SLC17A6: variants seen among roughly 807,000 people sequenced by gnomAD.
SLC17A6 encodes vesicular glutamate transporter 2.
Under a neutral mutation model 67.1 loss-of-function variants are expected in SLC17A6, and 35 were observed. The ratio of observed to expected loss-of-function variants is 0.52; its 90% CI spans 0.40 to 0.69. The LOEUF is 0.69. Ranked by LOEUF, SLC17A6 falls within the 30% of genes least tolerant of loss-of-function variation. The pLI is 0.00. For missense variants in SLC17A6, 588 were observed against 723.9 expected, an observed-to-expected ratio of 0.81 and a Z score of 2.15; for synonymous variants, 285 against 252.3, an observed-to-expected ratio of 1.13 and a Z score of -1.23.
intron 3 of SLC17A6, among the ~76,000 whole-genome samples, chr11:22,347,954 A>G (rs1182844572): frequency 6.6e-6 from 1 of 152,144 alleles, no homozygotes; most frequent in Non-Finnish European, 1.5e-5. Flanking sequence ...TAAAGAAAAA[A>G]TACTTCTTTA....
chr11:22,348,940 T>A (rs7129149), intron 3 of SLC17A6, among the ~76,000 whole-genome samples: 84,690 of 151,952 alleles, frequency 0.56, 24,022 homozygotes, highest in African/African-American at 0.64. Context: ...CTGTTCTGTC[T>A]TTTTTCTTCA....
At position 22,341,636 on chromosome 11, in the gene SLC17A6, C is replaced by T. The variant is rs780305524; in HGVS notation, c.195C>T (p.Phe65=). Residue 65 remains phenylalanine (F), a synonymous_variant, in exon 2 of 12, where the codon TTC becomes TTT. Coordinates refer to ENST00000263160, the MANE Select transcript of SLC17A6 (RefSeq NM_020346.3). ...RKAPLCDCTC[F]GLPRRYIIAI... ...CGCCGCTGTGCGACTGCACGTGCTT[C>T]GGCCTGCCCCGCCGCTACATTATCG... The T allele has an allele frequency of 8.9e-5, 143 of 1,613,642 alleles. No individual in the cohort carries two copies. The highest frequency in any genetic ancestry group is 5.2e-4 in the South Asian group (47 of 91,082).
intron 7 of SLC17A6, 64 bp downstream of exon 7, chr11:22,365,753 A>G: frequency 6.6e-7 from 1 of 1,513,784 alleles, no homozygotes; most frequent in Non-Finnish European, 8.9e-7. Flanking sequence ...TGACCAACCA[A>G]ACTATCTTAC....
In SLC17A6 at chr11:22,377,556, A is replaced by G; in HGVS notation, c.1565A>G (p.Asp522Gly). The change falls in exon 12 of 12, where the codon GAT (aspartate) becomes GGT (glycine). Residue 522 changes from aspartate to glycine, a missense_variant. Coordinates refer to ENST00000263160, the MANE Select transcript of SLC17A6 (RefSeq NM_020346.3). ...SEEKCGFIHE[D>G]ELDEETGDIT... ...GAAAAATGTGGATTTATTCATGAAG[A>G]TGAACTCGATGAAGAAACAGGGGAC... is the stretch of plus-strand genomic sequence containing the variant. 2 of 1,614,148 alleles carry G rather than the reference A, an allele frequency of 1.2e-6. No homozygotes were observed. Among genetic ancestry groups the G allele is most frequent in the Non-Finnish European group, 1.7e-6 (2 of 1,180,004 alleles).
chr11:22,341,235 G>A (rs1397791189), intron 1 of SLC17A6, among the ~76,000 whole-genome samples: 1 of 152,180 alleles, frequency 6.6e-6, no homozygotes, highest in Non-Finnish European at 1.5e-5. Flanking sequence ...AGCGGCCTGT[G>A]TATCTCAATC....
At chr11:22,343,644 G>T (rs1363489183) in intron 3 of SLC17A6, among the ~76,000 whole-genome samples, 1 of 152,132 alleles carries the variant, frequency 6.6e-6, no homozygotes, top group Non-Finnish European at 1.5e-5. Flanking sequence ...CGTGCTGTAT[G>T]GCCTGACAGG....
chr11:22,343,764 A>T (rs1489243694), intron 3 of SLC17A6, among the ~76,000 whole-genome samples: 1 of 152,078 alleles, frequency 6.6e-6, no homozygotes, highest in Admixed American at 6.6e-5. Flanking sequence ...GCAGGCTCCC[A>T]GGCTCCCCGA....
intron 3 of SLC17A6, among the ~76,000 whole-genome samples, chr11:22,354,425 ACTT>A (rs1855976187): frequency 6.6e-6 from 1 of 152,182 alleles, no homozygotes; most frequent in South Asian, 2.1e-4. Context: ...CAGTTCCACT[ACTT>A]CTTTCATTTC....
chr11:22,361,785 C>T (rs547357291), intron 5 of SLC17A6, among the ~76,000 whole-genome samples: 1 of 152,142 alleles, frequency 6.6e-6, no homozygotes, highest in Non-Finnish European at 1.5e-5. Context: ...TTTGTGCCTT[C>T]AGAATGCACG....
In SLC17A6 at chr11:22,362,783, C is replaced by T; in HGVS notation, c.706C>T (p.Leu236Phe). 1 of 1,613,842 alleles carries T rather than the reference C, an allele frequency of 6.2e-7. No homozygotes were observed. Among genetic ancestry groups the T allele is most frequent in the Non-Finnish European group, 8.5e-7 (1 of 1,179,758 alleles). ...GATTGCAATGCCTTTAGCTGGCATT[C>T]TTGTGCAGTACACTGGCTGGTCTTC... is the stretch of plus-strand genomic sequence containing the variant. ...AVIAMPLAGI[L>F]VQYTGWSSVF... The change falls in exon 6 of 12, where the codon CTT (leucine) becomes TTT (phenylalanine). Residue 236 changes from leucine to phenylalanine, a missense_variant. Around this residue, in one of 4 missense-constraint regions of SLC17A6, gnomAD observed 414 missense variants for 563.4 expected, o/e 0.73. Coordinates refer to ENST00000263160, the MANE Select transcript of SLC17A6 (RefSeq NM_020346.3).
chr11:22,348,581 A>T (rs182075062), intron 3 of SLC17A6, among the ~76,000 whole-genome samples: 204 of 152,332 alleles, frequency 1.3e-3, no homozygotes, highest in African/African-American at 4.5e-3. Flanking sequence ...TTGGGCTCTT[A>T]GAACTAAAAT....
chr11:22,352,607 G>T (rs185785646), intron 3 of SLC17A6, among the ~76,000 whole-genome samples: 6 of 152,324 alleles, frequency 3.9e-5, no homozygotes, highest in Admixed American at 3.9e-4. Flanking sequence ...GGAGTTTAAA[G>T]AAGTGGAGAC....
chr11:22,362,490 T>C (rs1358317585), intron 5 of SLC17A6, among the ~76,000 whole-genome samples: 1 of 152,142 alleles, frequency 6.6e-6, no homozygotes, highest in Admixed American at 6.5e-5. Context: ...TCAGCATGTC[T>C]CCATTATTAT....
At chr11:22,360,304 CG>C (rs1564983137) in intron 4 of SLC17A6, among the ~76,000 whole-genome samples, 4 of 151,802 alleles carry the variant, frequency 2.6e-5, no homozygotes, top group African/African-American at 9.7e-5. Flanking sequence ...GGGAGGGGAA[CG>C]ACACACACTG....
At chr11:22,361,394 A>G (rs1856051368) in intron 5 of SLC17A6, 1 of 152,622 alleles carries the variant, frequency 6.6e-6, no homozygotes, top group Admixed American at 6.5e-5. Flanking sequence ...TTACAAATAA[A>G]TATTAAATTT....
chr11:22,374,656 T>C, intron 8 of SLC17A6, 99 bp from the exon 9 acceptor site: 2 of 971,604 alleles, frequency 2.1e-6, no homozygotes, highest in Non-Finnish European at 1.5e-6. Flanking sequence ...CCTTCCTTTG[T>C]CCATAAAGAT....
intron 8 of SLC17A6, among the ~76,000 whole-genome samples, chr11:22,373,943 C>G (rs1011723619): frequency 6.6e-6 from 1 of 152,130 alleles, no homozygotes; most frequent in Non-Finnish European, 1.5e-5. Context: ...ATGCCATCTG[C>G]CAACAATTGT....
intron 1 of SLC17A6, among the ~76,000 whole-genome samples, chr11:22,341,106 A>G (rs1855810113): frequency 1.3e-5 from 2 of 152,312 alleles, no homozygotes; most frequent in South Asian, 2.1e-4. Flanking sequence ...TAGTCAGGGT[A>G]AAGCCCTGCT....
intron 4 of SLC17A6, 21 bp from the exon 5 acceptor site, chr11:22,360,876 G>A (rs748330629): frequency 2.3e-4 from 373 of 1,604,802 alleles, no homozygotes; most frequent in Non-Finnish European, 3.1e-4. Flanking sequence ...TGACAGTGAT[G>A]AGTATCTTCC....
Sources: allele counts gnomAD v4.1 joint callset (sites outside exome capture counted in the v4.1 genomes callset), GRCh38; gene constraint gnomAD v4.1.1; regional missense constraint gnomAD v4.1.1; transcripts MANE v1.5; gene names NCBI Gene and HGNC (gene_info 2026-07-23, HGNC 2026-07-21).